PCDHGB2: variants seen among roughly 807,000 people sequenced by gnomAD.
PCDHGB2 encodes the protein protocadherin gamma subfamily B, 2, also known as protocadherin gamma-B2.
A neutral mutation model predicts 59.3 loss-of-function variants in PCDHGB2; 55 were observed. The observed-to-expected ratio is 0.93, with a 90% confidence interval of 0.75 to 1.16. The LOEUF (loss-of-function observed/expected upper bound fraction) is 1.16. Among genes scored for constraint, PCDHGB2 ranks in the 50% most tolerant of loss-of-function variants. The pLI, the probability that PCDHGB2 is intolerant of heterozygous loss-of-function variation, is 0.00. For synonymous variants in PCDHGB2, 516 were observed against 512.0 expected (o/e 1.01, Z -0.11); for missense variants, 1,228 against 1,198.5 (o/e 1.02, Z -0.36).
chr5:141,422,513 G>T, intron 1 of PCDHGB2: 2 of 1,614,000 alleles, frequency 1.2e-6, no homozygotes, highest in Non-Finnish European at 1.7e-6. Context: ...ACAGACCAGG[G>T]AAGCCCGCCT....
intron 1 of PCDHGB2, chr5:141,414,139 G>T: frequency 6.3e-7 from 1 of 1,596,506 alleles, no homozygotes; most frequent in Non-Finnish European, 8.5e-7. Flanking sequence ...CTATGAAATA[G>T]AAATACAAGC....
chr5:141,477,432 C>T lies in PCDHGB2; in HGVS notation c.2422-17375C>T, dbSNP rs1184041591. 6.2e-7 allele frequency: 1 copy of T among 1,614,186 alleles called. No individual in the cohort carries two copies. Among genetic ancestry groups the T allele is most frequent in the Admixed American group, 1.7e-5 (1 of 60,028 alleles). ...GACGCCGGAACCCCTTCCCTCTCAG[C>T]CCTTACAATAGTGCGTGTTCAAGTG... On this transcript the variant is annotated intron_variant, in intron 1 of 3. Transcript: ENST00000522605. This position sits in a 1 kb window ranked among gnomAD's most constrained non-coding sequence, Gnocchi z 4.9.
In PCDHGB2 at chr5:141,477,125, A is replaced by G; in HGVS notation, c.2422-17682A>G. The G allele has an allele frequency of 2.5e-6, 4 of 1,614,212 alleles. No individual in the cohort carries two copies. The highest frequency in any genetic ancestry group is 3.4e-6 in the Non-Finnish European group (4 of 1,180,036). On this transcript the variant is annotated intron_variant, in intron 1 of 3. Transcript: ENST00000522605. This position sits in a 1 kb window ranked among gnomAD's most constrained non-coding sequence, Gnocchi z 4.9. ...CGCCAATCCCGAAGGAGCACATTGC[A>G]AAGTGTTGGTGGAGGTTGTGGATGT...
At position 141,476,994 on chromosome 5, in the gene PCDHGB2, A is replaced by T; in HGVS notation, c.2422-17813A>T. 6.2e-7 allele frequency: 1 copy of T among 1,614,260 alleles called. No individual in the cohort carries two copies. The highest frequency in any genetic ancestry group is 2.2e-5 in the East Asian group (1 of 44,884). On this transcript the variant is annotated intron_variant, in intron 1 of 3. Transcript: ENST00000522605. This position sits in a 1 kb window ranked among gnomAD's most constrained non-coding sequence, Gnocchi z 7.6. ...AGCCACAACCGCGCCGGCGTGCGGC[A>T]ACTATTCGCCTTAGACCTTGTAACC...
intron 1 of PCDHGB2, chr5:141,427,842 C>A: frequency 6.5e-7 from 1 of 1,549,268 alleles, no homozygotes. Flanking sequence ...TGCCTTCGAC[C>A]ACGAGCAGCT....
intron 2 of PCDHGB2, among the ~76,000 whole-genome samples, chr5:141,502,832 G>T (rs1266910323): frequency 6.6e-6 from 1 of 150,516 alleles, no homozygotes; most frequent in Non-Finnish European, 1.5e-5. Context: ...GGGGAAGCCT[G>T]GACTGGCTGA....
rs755410945 is a variant in PCDHGB2 at position 141,361,879 on chromosome 5, G to A, written c.1744G>A (p.Ala582Thr). 3.1e-6 allele frequency: 5 copies of A among 1,610,512 alleles called. No homozygotes were observed. Among genetic ancestry groups the A allele is most frequent in the South Asian group, 1.1e-5 (1 of 90,992 alleles). The stretch of plus-strand genomic sequence containing the variant: ...CCTCTTCGATATGGTGCCACGCGCC[G>A]CAGAGCCCGGCTACCTGGTGACCAA... ...SALFDMVPRA[A>T]EPGYLVTKVV... Residue 582 changes from alanine (A) to threonine (T), a missense_variant, in exon 1 of 4, where the codon GCA (alanine) becomes ACA (threonine). Ala to Thr is a moderately conservative substitution (Grantham distance 58, BLOSUM62 0). Around this residue, in one of 3 missense-constraint regions of PCDHGB2, gnomAD observed 14 missense variants for 35.2 expected, o/e 0.40. Coordinates refer to ENST00000522605, the MANE Select transcript of PCDHGB2 (RefSeq NM_018923.3).
In PCDHGB2 at chr5:141,505,466, T is replaced by C. The variant is rs763151131; in HGVS notation, c.2554T>C (p.Leu852=). 1 of 1,614,200 alleles carries C rather than the reference T, an allele frequency of 6.2e-7. No individual in the cohort carries two copies. The highest frequency in any genetic ancestry group is 1.3e-5 in the African/African-American group (1 of 75,068). The part of the protein sequence containing the change: ...FDTEMLQAMI[L]ASASEAADGS... Reference sequence around the variant, plus strand: ...CACAGAGATGCTGCAAGCCATGATCTTGGCGTCCGCCAGTGGTAAGTGGTG... The same window carrying C: ...CACAGAGATGCTGCAAGCCATGATCCTGGCGTCCGCCAGTGGTAAGTGGTG... The change falls in exon 3 of 4, where the codon TTG becomes CTG. Residue 852 remains leucine, a synonymous_variant. Transcript: ENST00000522605.
rs1299573831 is a variant in PCDHGB2 at position 141,500,662 on chromosome 5, T to A, written c.2481-4731T>A. 5.3e-5 allele frequency among the ~76,000 whole-genome samples: 8 copies of A among 152,352 alleles called. No homozygotes were observed. The East Asian group carries it at 1.5e-3, about 29-fold the overall frequency. ...TTTTTAAAAATAGCAACTGAGGCCA[T>A]ACTGTCCAACAGAATTATAGCTTTT... On this transcript the variant is annotated intron_variant, in intron 2 of 3. Coordinates refer to ENST00000522605, the MANE Select transcript of PCDHGB2 (RefSeq NM_018923.3).
Position 141,491,712 on chromosome 5 carries a change from G to C in PCDHGB2, c.2422-3095G>C. 3.1e-6 allele frequency: 5 copies of C among 1,609,408 alleles called. No individual in the cohort carries two copies. Among genetic ancestry groups the C allele is most frequent in the Middle Eastern group, 1.7e-4 (1 of 6,024 alleles). ...GGGAGCGGAGCCAGGTGAGGGGCTCGGCGCCGCCCCGGGCGACCCCTGGGG... is the reference window on the plus strand; with the variant it reads ...GGGAGCGGAGCCAGGTGAGGGGCTCCGCGCCGCCCCGGGCGACCCCTGGGG... On this transcript the variant is annotated intron_variant, in intron 1 of 3. Transcript: ENST00000522605. The surrounding 1 kb of genome is among the most constrained non-coding windows in gnomAD (Gnocchi z 6.9).
chr5:141,467,811 A>T (rs562932160), intron 1 of PCDHGB2, among the ~76,000 whole-genome samples: 1 of 152,164 alleles, frequency 6.6e-6, no homozygotes, highest in African/African-American at 2.4e-5. Flanking sequence ...GGCACATGCC[A>T]CCACACCAGG....
At chr5:141,402,392 C>A (rs1271100750) in intron 1 of PCDHGB2, among the ~76,000 whole-genome samples, 1 of 151,714 alleles carries the variant, frequency 6.6e-6, no homozygotes, top group African/African-American at 2.4e-5. Flanking sequence ...AAAATTACTT[C>A]AGAAAATTGT....
chr5:141,460,505 A>T (rs1430823912), intron 1 of PCDHGB2, among the ~76,000 whole-genome samples: 1 of 152,150 alleles, frequency 6.6e-6, no homozygotes, highest in Non-Finnish European at 1.5e-5. Context: ...ATATGCTGAG[A>T]AGGCTATCTT....
intron 1 of PCDHGB2, among the ~76,000 whole-genome samples, chr5:141,445,948 G>A (rs538607380): frequency 6.6e-6 from 1 of 152,236 alleles, no homozygotes; most frequent in South Asian, 2.1e-4. Flanking sequence ...GCTTACTCTG[G>A]CTGCTATATG....
Position 141,490,310 on chromosome 5 carries a change from A to G in PCDHGB2, c.2422-4497A>G. 2 of 1,614,082 alleles carry G rather than the reference A, an allele frequency of 1.2e-6. No homozygotes were observed. Among genetic ancestry groups the G allele is most frequent in the South Asian group, 2.2e-5 (2 of 91,078 alleles). ...GAGGTGCTATTGGCCTCTTTGGCCA[A>G]CCCTGTCCTAGAGAGCACACCAGTG... On this transcript the variant is annotated intron_variant, in intron 1 of 3. Transcript: ENST00000522605. The surrounding 1 kb of genome is among the most constrained non-coding windows in gnomAD (Gnocchi z 5.4).
chr5:141,473,905 G>T (rs940750776), intron 1 of PCDHGB2, among the ~76,000 whole-genome samples: 2 of 152,096 alleles, frequency 1.3e-5, no homozygotes, highest in African/African-American at 4.8e-5. Context: ...TCATGAAGAG[G>T]TCTTAAGAAA....
chr5:141,442,052 G>T (rs2098295034), intron 1 of PCDHGB2: 1 of 197,576 alleles, frequency 5.1e-6, no homozygotes, highest in South Asian at 6.6e-5. Flanking sequence ...TACTGGTCGC[G>T]GTGCACTGCG....
In PCDHGB2 at chr5:141,489,449, A is replaced by G; in HGVS notation, c.2422-5358A>G. The G allele has an allele frequency of 6.2e-7, 1 of 1,614,056 alleles. No homozygotes were observed. Among genetic ancestry groups the G allele is most frequent in the Non-Finnish European group, 8.5e-7 (1 of 1,180,016 alleles). On this transcript the variant is annotated intron_variant, in intron 1 of 3. Coordinates refer to ENST00000522605, the MANE Select transcript of PCDHGB2 (RefSeq NM_018923.3). This position sits in a 1 kb window ranked among gnomAD's most constrained non-coding sequence, Gnocchi z 4.5. ...CGGCGGCTGCAATTGGGCTCTGAGG[A>G]GAATGGGCGCTATTTTTCCCTGAGC...
Position 141,431,112 on chromosome 5 carries a change from GAGTAGA to G in PCDHGB2, c.2422-63684_2422-63679del, listed in dbSNP as rs764068262. On this transcript the variant is annotated intron_variant, in intron 1 of 3. Transcript: ENST00000522605. The surrounding 1 kb of genome is among the most constrained non-coding windows in gnomAD (Gnocchi z 4.8). ...ATGGAGGATAAAGTGAAAATATATG[GAGTAGA>G]AGTAGAAGTAAGGGACATTAACGAC... The G allele has an allele frequency of 1.7e-5, 28 of 1,614,128 alleles. No individual in the cohort carries two copies. The highest frequency in any genetic ancestry group is 3.3e-5 in the South Asian group (3 of 91,092).
Sources: allele counts gnomAD v4.1 joint callset (sites outside exome capture counted in the v4.1 genomes callset), GRCh38; gene constraint gnomAD v4.1.1; regional missense constraint gnomAD v4.1.1; non-coding constraint Gnocchi (gnomAD v3.1); transcripts MANE v1.5; gene names NCBI Gene and HGNC (gene_info 2026-07-23, HGNC 2026-07-21).